The following ZFPM2 variants were observed in gnomAD, a reference collection of about 807,000 sequenced individuals.
ZFPM2 encodes zinc finger protein, FOG family member 2, also known as zinc finger protein ZFPM2.
ZFPM2 carries 20 observed loss-of-function variants against 98.6 expected under a neutral mutation model. The observed-to-expected ratio is 0.20, with a 90% CI of 0.14 to 0.29. The LOEUF (loss-of-function observed/expected upper bound fraction) is 0.29, where lower values mean the gene tolerates loss of function less well. Among genes scored for constraint, ZFPM2 ranks in the 10% least tolerant of loss-of-function variants. ZFPM2 has a pLI of 1.00. For missense variants in ZFPM2, 1,310 were observed against 1,388.6 expected (o/e 0.94, Z 0.90); for synonymous variants, 518 against 502.7 (o/e 1.03, Z -0.41).
At chr8:105,376,630 C>G (rs1810728960) in intron 1 of ZFPM2, among the ~76,000 whole-genome samples, 1 of 152,148 alleles carries the variant, frequency 6.6e-6, no homozygotes, top group Admixed American at 6.5e-5. Flanking sequence ...AACATACATC[C>G]AGTTTGTCTA....
intron 1 of ZFPM2, among the ~76,000 whole-genome samples, chr8:105,364,278 G>A (rs978043282): frequency 6.6e-6 from 1 of 151,808 alleles, no homozygotes; most frequent in African/African-American, 2.4e-5. Flanking sequence ...ATTGGGGGAG[G>A]GGAGAGCCAA....
chr8:105,712,472 C>T (rs564369083), intron 5 of ZFPM2, among the ~76,000 whole-genome samples: 9 of 151,930 alleles, frequency 5.9e-5, no homozygotes, highest in South Asian at 2.1e-4. Flanking sequence ...GAAACTGATG[C>T]GGAGGTATGT....
At chr8:105,783,145 GGTTT>G (rs550399989) in intron 5 of ZFPM2, among the ~76,000 whole-genome samples, 263 of 151,238 alleles carry the variant, frequency 1.7e-3, no homozygotes, top group African/African-American at 5.8e-3. Flanking sequence ...TTTCAAATGG[GGTTT>G]GTTAAGTAGC....
At chr8:105,349,450 A>T (rs1169817730) in intron 1 of ZFPM2, among the ~76,000 whole-genome samples, 1 of 152,204 alleles carries the variant, frequency 6.6e-6, no homozygotes. Context: ...AATACAAGGT[A>T]TAACCTGGAA....
At chr8:105,566,337 T>G (rs1216114734) in intron 4 of ZFPM2, among the ~76,000 whole-genome samples, 1 of 152,106 alleles carries the variant, frequency 6.6e-6, no homozygotes, top group East Asian at 1.9e-4. Context: ...AGAAATAACT[T>G]ATATTAAATA....
chr8:105,743,330 A>G (rs573394105), intron 5 of ZFPM2, among the ~76,000 whole-genome samples: 3 of 152,150 alleles, frequency 2.0e-5, no homozygotes, highest in African/African-American at 7.2e-5. Context: ...GGATCAGACC[A>G]TGGGGGTGAG....
In ZFPM2 at chr8:105,571,475, G is replaced by C. The variant is rs78136826; in HGVS notation, c.420+9994G>C. Among the ~76,000 whole-genome samples the C allele has an allele frequency of 3.3e-3, 498 of 152,348 alleles. 2 individuals carry two copies. Among genetic ancestry groups the C allele is most frequent in the African/African-American group, 0.011 (469 of 41,580 alleles). ...AAGTAACAAAGCACTGTGAGGAAGA[G>C]TTGTTCATGGAGTTGACCAAACTGT... is the stretch of plus-strand genomic sequence containing the variant. On this transcript the variant is annotated intron_variant, in intron 4 of 7. Transcript: ENST00000407775.
intron 3 of ZFPM2, among the ~76,000 whole-genome samples, chr8:105,559,817 A>G (rs1036786978): frequency 2.0e-5 from 3 of 152,168 alleles, no homozygotes; most frequent in African/African-American, 4.8e-5. Flanking sequence ...GATTGAATCT[A>G]TGTATTTAAA....
chr8:105,361,607 C>G (rs187605536), intron 1 of ZFPM2, among the ~76,000 whole-genome samples: 34 of 152,088 alleles, frequency 2.2e-4, no homozygotes, highest in African/African-American at 8.2e-4. Flanking sequence ...GTAACATCAC[C>G]TAAATAATAC....
At chr8:105,750,914 C>A (rs1020982751) in intron 5 of ZFPM2, among the ~76,000 whole-genome samples, 1 of 152,066 alleles carries the variant, frequency 6.6e-6, no homozygotes, top group Non-Finnish European at 1.5e-5. Context: ...TTTCGTCACC[C>A]AGGATATGTT....
At chr8:105,424,539 A>G (rs537821944) in intron 2 of ZFPM2, among the ~76,000 whole-genome samples, 1 of 152,326 alleles carries the variant, frequency 6.6e-6, no homozygotes, top group South Asian at 2.1e-4. Context: ...GAGTCCACAT[A>G]GTGTGCAGAA....
chr8:105,554,715 G>A (rs1467863478), intron 3 of ZFPM2, among the ~76,000 whole-genome samples: 2 of 152,120 alleles, frequency 1.3e-5, no homozygotes, highest in African/African-American at 2.4e-5. Context: ...TTGCAGCTAT[G>A]TCCTATGAAA....
At chr8:105,643,420 C>T (rs1436424940) in intron 5 of ZFPM2, among the ~76,000 whole-genome samples, 3 of 152,110 alleles carry the variant, frequency 2.0e-5, no homozygotes, top group Admixed American at 6.6e-5. Context: ...ACCCTTCTCT[C>T]TCTCTTTTTG....
At chr8:105,348,564 T>C (rs927486963) in intron 1 of ZFPM2, among the ~76,000 whole-genome samples, 3 of 152,136 alleles carry the variant, frequency 2.0e-5, no homozygotes, top group Non-Finnish European at 4.4e-5. Flanking sequence ...TTATAAGAAA[T>C]GTAAAGAAGA....
chr8:105,578,603 A>T (rs1467721716), intron 4 of ZFPM2, among the ~76,000 whole-genome samples: 1 of 152,088 alleles, frequency 6.6e-6, no homozygotes, highest in African/African-American at 2.4e-5. Context: ...GAATTTTTAA[A>T]ATAATTTACC....
intron 4 of ZFPM2, among the ~76,000 whole-genome samples, chr8:105,578,229 G>C (rs1189766550): frequency 6.6e-6 from 1 of 152,026 alleles, no homozygotes; most frequent in East Asian, 1.9e-4. Flanking sequence ...AAAGGAATGG[G>C]CAGCCTACCA....
intron 5 of ZFPM2, among the ~76,000 whole-genome samples, chr8:105,752,696 C>G (rs1433404256): frequency 6.6e-6 from 1 of 152,100 alleles, no homozygotes; most frequent in African/African-American, 2.4e-5. Flanking sequence ...GGGAATTATG[C>G]ATCATTTGTG....
chr8:105,341,814 C>T (rs1812435877), intron 1 of ZFPM2, among the ~76,000 whole-genome samples: 1 of 151,924 alleles, frequency 6.6e-6, no homozygotes, highest in Non-Finnish European at 1.5e-5. Context: ...TGTGGAGATT[C>T]TTGGGAACCT....
intron 1 of ZFPM2, among the ~76,000 whole-genome samples, chr8:105,330,597 T>TATATATATATATAC: frequency 1.4e-5 from 1 of 71,474 alleles, no homozygotes; most frequent in South Asian, 4.1e-4. Context: ...TATATATACA[T>TATATATATATATAC]ATATATATAT....
Sources: gnomAD v4.1 joint callset for allele counts (sites outside exome capture counted in the v4.1 genomes callset) on GRCh38, gnomAD v4.1.1 for gene constraint, MANE v1.5 for transcripts, NCBI Gene and HGNC (gene_info 2026-07-23, HGNC 2026-07-21) for gene names.